The following GCN1 variants were observed in gnomAD, a reference collection of about 807,000 sequenced individuals.
The protein encoded by GCN1 is stalled ribosome sensor GCN1.
A neutral mutation model predicts 288.4 loss-of-function variants in GCN1; 90 were observed. The ratio of observed to expected loss-of-function variants is 0.31; its 90% CI spans 0.26 to 0.37. GCN1 has a LOEUF of 0.37. GCN1 is among the 10% of genes least tolerant of loss of function. The pLI is 1.00. For synonymous variants in GCN1, 1,386 were observed against 1,420.2 expected (o/e 0.98, Z 0.54); for missense variants, 2,586 against 3,419.9 (o/e 0.76, Z 6.08).
chr12:120,172,360 T>C (rs546734521), intron 14 of GCN1, among the ~76,000 whole-genome samples: 2 of 152,332 alleles, frequency 1.3e-5, no homozygotes, highest in South Asian at 2.1e-4. Flanking sequence ...GAAAAAGATA[T>C]ATTGCTTTCA....
intron 18 of GCN1, among the ~76,000 whole-genome samples, chr12:120,163,655 T>C (rs1433079914): frequency 6.6e-6 from 1 of 152,126 alleles, no homozygotes; most frequent in Non-Finnish European, 1.5e-5. Flanking sequence ...GGGGAGACCC[T>C]GTGCAAGTCA....
chr12:120,173,981 G>A (rs1878389784), intron 13 of GCN1, 90 bp downstream of exon 13: 2 of 1,026,974 alleles, frequency 1.9e-6, no homozygotes, highest in South Asian at 2.7e-5. Flanking sequence ...GTGTCTTTAG[G>A]AGAGGTTTAT....
chr12:120,153,377 C>G lies in GCN1; in HGVS notation c.3898G>C (p.Glu1300Gln). The change falls in exon 33 of 58, where the codon GAG (glutamate) becomes CAG (glutamine). Residue 1300 changes from glutamate to glutamine, a missense_variant. Physicochemically the swap from Glu to Gln is conservative, Grantham distance 29. This residue lies in a region of GCN1 where 332 missense variants were observed against 403.0 expected (regional missense o/e 0.82). Transcript: ENST00000300648. The surrounding 1 kb of genome is among the most constrained non-coding windows in gnomAD (Gnocchi z 4.4). ...ENVNSLLPVF[E>Q]EFLKNAPNDA... Reference sequence around the variant, plus strand: ...TTGGGCGCGTTCTTCAGGAACTCCTCGAATACTGGCAACAGCGAGTTGACG... The same window carrying G: ...TTGGGCGCGTTCTTCAGGAACTCCTGGAATACTGGCAACAGCGAGTTGACG... 1.2e-6 allele frequency: 2 copies of G among 1,614,148 alleles called. No individual in the cohort carries two copies. Among genetic ancestry groups the G allele is most frequent in the Non-Finnish European group, 1.7e-6 (2 of 1,180,022 alleles).
rs1877820761 is a variant in GCN1, at chr12:120,158,411, G to A, written c.2905+49C>T. On this transcript the variant is annotated intron_variant, in intron 25 of 57. Coordinates refer to ENST00000300648, the MANE Select transcript of GCN1 (RefSeq NM_006836.2). The surrounding 1 kb of genome is among the most constrained non-coding windows in gnomAD (Gnocchi z 4.3). ...ACGCTGTGCCTTGAGCAGCATTCCTGGCACCAGCTCACACCGCCTGGTGCC... is the reference window on the plus strand; with the variant it reads ...ACGCTGTGCCTTGAGCAGCATTCCTAGCACCAGCTCACACCGCCTGGTGCC... 2.7e-6 allele frequency: 4 copies of A among 1,469,508 alleles called. No individual in the cohort carries two copies. Among genetic ancestry groups the A allele is most frequent in the East Asian group, 2.5e-5 (1 of 40,434 alleles). The allele number at this position is 1,469,508 out of a possible 1,614,324, so 91.0% of individuals were successfully genotyped here. A position where few individuals can be genotyped will look rare whatever the true frequency, so the allele number is the denominator to read the frequency against.
intron 56 of GCN1, among the ~76,000 whole-genome samples, chr12:120,130,165 TCTG>T (rs1876768858): frequency 6.6e-6 from 1 of 152,160 alleles, no homozygotes; most frequent in South Asian, 2.1e-4. Context: ...GGCTCTGACT[TCTG>T]TGCACAGTAA....
chr12:120,133,040 C>T (rs1294191790), intron 53 of GCN1, among the ~76,000 whole-genome samples: 1 of 152,234 alleles, frequency 6.6e-6, no homozygotes, highest in Non-Finnish European at 1.5e-5. Context: ...TGTAGAAGCC[C>T]TGAAAGACTG....
In GCN1 at chr12:120,159,939, C is replaced by T. The variant is rs768303136; in HGVS notation, c.2635G>A (p.Val879Ile). The change falls in exon 24 of 58, where the codon GTT becomes ATT. Residue 879 changes from valine (V) to isoleucine (I), a missense_variant. Coordinates refer to ENST00000300648, the MANE Select transcript of GCN1 (RefSeq NM_006836.2). ...AAGGGCAGAAAAGAGTCGACCAAAA[C>T]AGGGATGTACTGGGTCAGGCCGGAC... is the stretch of plus-strand genomic sequence containing the variant. ...NPSGLTQYIP[V>I]LVDSFLPLLK... The T allele has an allele frequency of 1.6e-5, 26 of 1,614,050 alleles. No homozygotes were observed. The South Asian group carries it at 2.4e-4, about 15-fold the overall frequency.
intron 5 of GCN1, 111 bp downstream of exon 5, chr12:120,183,448 ACTCAGAGTGT>A: frequency 1.4e-6 from 1 of 711,478 alleles, no homozygotes; most frequent in Admixed American, 1.9e-5. Context: ...CCTCGGGACA[ACTCAGAGTGT>A]CTGGTCACCC....
At chr12:120,164,023 C>T (rs1261729071) in intron 18 of GCN1, among the ~76,000 whole-genome samples, 1 of 152,108 alleles carries the variant, frequency 6.6e-6, no homozygotes, top group East Asian at 1.9e-4. Context: ...GTCCCAGCAA[C>T]TTGGGAGGCT....
rs771461851 is a variant in GCN1, at chr12:120,138,316, G to A, written c.6249+7C>T. Reference sequence around the variant, plus strand: ...CCAGAGGGTGTTGACCACATGTTGGGATTTACCTTGGGCACAAGGTAGGGC... The same window carrying A: ...CCAGAGGGTGTTGACCACATGTTGGAATTTACCTTGGGCACAAGGTAGGGC... On this transcript the variant is annotated splice_region_variant and intron_variant, in intron 47 of 57. Coordinates refer to ENST00000300648, the MANE Select transcript of GCN1 (RefSeq NM_006836.2). The A allele has an allele frequency of 6.4e-7, 1 of 1,556,242 alleles. No homozygotes were observed. The highest frequency in any genetic ancestry group is 8.9e-7 in the Non-Finnish European group (1 of 1,127,088).
chr12:120,178,727 G>T lies in GCN1; in HGVS notation c.558C>A (p.Ala186=). 1 of 1,614,184 alleles carries T rather than the reference G, an allele frequency of 6.2e-7. No homozygotes were observed. Among genetic ancestry groups the T allele is most frequent in the Non-Finnish European group, 8.5e-7 (1 of 1,180,000 alleles). Residue 186 remains alanine, a synonymous_variant, in exon 7 of 58, where the codon GCC becomes GCA. Transcript: ENST00000300648. ...NPGLVEQYLS[A]ILSLEPNQNY... ...TCTGGTTGGGCTCTAGGCTGAGAAT[G>T]GCTGACAAGTACTGTTCCACCAGCC...
At chr12:120,138,266 C>A (rs1877077468) in intron 47 of GCN1, 57 bp downstream of exon 47, 3 of 1,149,500 alleles carry the variant, frequency 2.6e-6, no homozygotes, top group Non-Finnish European at 4.0e-6. Context: ...TCACTGCAGG[C>A]CCTGGAAATG....
Position 120,137,537 on chromosome 12 carries a change from C to T in GCN1, c.6663+8G>A. 2 of 1,612,536 alleles carry T rather than the reference C, an allele frequency of 1.2e-6. No homozygotes were observed. The highest frequency in any genetic ancestry group is 1.7e-4 in the Middle Eastern group (1 of 6,056). ...AAAAGTTGGCTGTGGGGTCAGCAGTCCCCTCACCTTAGTGATGGCATTTAG... is the reference window on the plus strand; with the variant it reads ...AAAAGTTGGCTGTGGGGTCAGCAGTTCCCTCACCTTAGTGATGGCATTTAG... On this transcript the variant is annotated splice_region_variant and intron_variant, in intron 49 of 57. Coordinates refer to ENST00000300648, the MANE Select transcript of GCN1 (RefSeq NM_006836.2). The surrounding 1 kb of genome is among the most constrained non-coding windows in gnomAD (Gnocchi z 5.2).
At chr12:120,133,810 T>C (rs12426126) in intron 53 of GCN1, among the ~76,000 whole-genome samples, 20,307 of 152,208 alleles carry the variant, frequency 0.13, 1,663 homozygotes, top group African/African-American at 0.2. Context: ...GGCTCATGCC[T>C]GTTAATCCCA....
chr12:120,159,943 G>A lies in GCN1; in HGVS notation c.2631C>T (p.Ile877=), dbSNP rs776192748. 4 of 1,614,062 alleles carry A rather than the reference G, an allele frequency of 2.5e-6. No individual in the cohort carries two copies. Among genetic ancestry groups the A allele is most frequent in the East Asian group, 2.2e-5 (1 of 44,866 alleles). Residue 877 remains isoleucine, a synonymous_variant, in exon 24 of 58, where the codon ATC becomes ATT. Coordinates refer to ENST00000300648, the MANE Select transcript of GCN1 (RefSeq NM_006836.2). ...AKNPSGLTQY[I]PVLVDSFLPL... is the part of the protein sequence containing the mutation. ...GCAGAAAAGAGTCGACCAAAACAGG[G>A]ATGTACTGGGTCAGGCCGGACGGGT... is the stretch of plus-strand genomic sequence containing the variant.
chr12:120,145,226 G>C, intron 39 of GCN1, 36 bp downstream of exon 39: 1 of 1,564,042 alleles, frequency 6.4e-7, no homozygotes. Context: ...ACTGGATGAG[G>C]GGCCTGGCCC....
At chr12:120,179,551 C>G (rs1878585592) in intron 5 of GCN1, among the ~76,000 whole-genome samples, 1 of 152,090 alleles carries the variant, frequency 6.6e-6, no homozygotes, top group South Asian at 2.1e-4. Flanking sequence ...AGGTGTCCAC[C>G]ACCATGCCCA....
chr12:120,155,261 T>C lies in GCN1; in HGVS notation c.3610A>G (p.Ile1204Val). The change falls in exon 30 of 58, where the codon ATT (isoleucine) becomes GTT (valine). Residue 1204 changes from isoleucine (I) to valine (V), a missense_variant. Coordinates refer to ENST00000300648, the MANE Select transcript of GCN1 (RefSeq NM_006836.2). This position sits in a 1 kb window ranked among gnomAD's most constrained non-coding sequence, Gnocchi z 4.9. ...CTCACGTAGAGCTTTTCCTGGTAAATCTCCATGAGCCTGCCCATAACCTCC... is the reference window on the plus strand; with the variant it reads ...CTCACGTAGAGCTTTTCCTGGTAAACCTCCATGAGCCTGCCCATAACCTCC... ...AAEVMGRLME[I>V]YQEKLYRPPP... 8 of 1,614,028 alleles carry C rather than the reference T, an allele frequency of 5.0e-6. No homozygotes were observed. Among genetic ancestry groups the C allele is most frequent in the Non-Finnish European group, 6.8e-6 (8 of 1,180,004 alleles).
chr12:120,129,111 G>A (rs902562569), intron 57 of GCN1, among the ~76,000 whole-genome samples, 165 bp downstream of exon 57: 2 of 152,128 alleles, frequency 1.3e-5, no homozygotes, highest in African/African-American at 2.4e-5. Context: ...TTACAGGCGC[G>A]AGCCACCGCG....
Sources: allele counts gnomAD v4.1 joint callset (sites outside exome capture counted in the v4.1 genomes callset), GRCh38; gene constraint gnomAD v4.1.1; regional missense constraint gnomAD v4.1.1; non-coding constraint Gnocchi (gnomAD v3.1); transcripts MANE v1.5; gene names NCBI Gene and HGNC (gene_info 2026-07-23, HGNC 2026-07-21).